LRRC75A: variants seen among roughly 807,000 people sequenced by gnomAD.
The protein encoded by LRRC75A is leucine rich repeat containing 75A, also known as leucine-rich repeat-containing protein 75A.
A neutral mutation model predicts 26.0 loss-of-function variants in LRRC75A; 12 were observed. That is an observed-to-expected ratio of 0.46 (90% confidence interval 0.30 to 0.75). The LOEUF (loss-of-function observed/expected upper bound fraction) is 0.75, where lower values mean the gene tolerates loss of function less well. LRRC75A is among the 30% of genes least tolerant of loss of function. The pLI is 0.08. For missense variants in LRRC75A, 410 were observed against 486.6 expected, an observed-to-expected ratio of 0.84 and a Z score of 1.48; for synonymous variants, 223 against 219.3, an observed-to-expected ratio of 1.02 and a Z score of -0.15.
At chr17:16,473,473 G>A (rs192553626) in intron 1 of LRRC75A, among the ~76,000 whole-genome samples, 19 of 152,258 alleles carry the variant, frequency 1.2e-4, no homozygotes, top group Middle Eastern at 3.4e-3. Context: ...GTTGCCTCTC[G>A]AGGGCACCCT....
At chr17:16,479,906 AC>A (rs1260108204) in intron 1 of LRRC75A, among the ~76,000 whole-genome samples, 1 of 152,232 alleles carries the variant, frequency 6.6e-6, no homozygotes, top group Non-Finnish European at 1.5e-5. Flanking sequence ...ACAGACCAGT[AC>A]CAGTCTGTGA....
At chr17:16,448,963 C>T (rs1601083645) in intron 2 of LRRC75A, among the ~76,000 whole-genome samples, 2 of 152,350 alleles carry the variant, frequency 1.3e-5, no homozygotes, top group East Asian at 3.9e-4. Flanking sequence ...ACTCCAACTA[C>T]ATCCCTAGGA....
At chr17:16,482,846 C>A (rs1052872268) in intron 1 of LRRC75A, among the ~76,000 whole-genome samples, 6 of 152,238 alleles carry the variant, frequency 3.9e-5, no homozygotes, top group African/African-American at 1.4e-4. Flanking sequence ...TGCCCAGGGA[C>A]GTATGCTGAG....
intron 1 of LRRC75A, among the ~76,000 whole-genome samples, chr17:16,489,506 A>T (rs8078090): frequency 0.075 from 11,354 of 152,156 alleles, 1,412 homozygotes; most frequent in African/African-American, 0.26. Context: ...CATCACCACC[A>T]CCAGACTAGA....
At chr17:16,485,069 C>G (rs60635403) in intron 1 of LRRC75A, among the ~76,000 whole-genome samples, 48,974 of 151,810 alleles carry the variant, frequency 0.32, 8,140 homozygotes, top group Middle Eastern at 0.45. Context: ...GAGGGGGTCC[C>G]CGCCCCTGCT....
Position 16,462,776 on chromosome 17 carries a change from A to G in LRRC75A, c.247-390T>C, listed in dbSNP as rs140017039. ...TGCCTTGTGACAGGATGGTTTAATG[A>G]TATTTATTTGTGTTTTCTTCCTGCT... On this transcript the variant is annotated intron_variant, in intron 1 of 3. Coordinates refer to ENST00000470794, the MANE Select transcript of LRRC75A (RefSeq NM_001113567.3). This position sits in a 1 kb window ranked among gnomAD's most constrained non-coding sequence, Gnocchi z 4.6. The G allele has an allele frequency of 2.0e-3, 396 of 194,380 alleles. 4 individuals are homozygous for G. Among genetic ancestry groups the G allele is most frequent in the African/African-American group, 8.7e-3 (368 of 42,512 alleles). The allele number at this position is 194,380 out of a possible 1,614,324, so 12.0% of individuals were successfully genotyped here.
At chr17:16,477,507 C>T (rs985113332) in intron 1 of LRRC75A, among the ~76,000 whole-genome samples, 1 of 152,194 alleles carries the variant, frequency 6.6e-6, no homozygotes, top group Non-Finnish European at 1.5e-5. Flanking sequence ...GGAGGAGGGC[C>T]GTAGGATCCA....
intron 2 of LRRC75A, among the ~76,000 whole-genome samples, chr17:16,459,688 T>C (rs2093712727): frequency 6.6e-6 from 1 of 152,086 alleles, no homozygotes; most frequent in South Asian, 2.1e-4. Flanking sequence ...CTGCCTATAA[T>C]CTCTAGACCC....
chr17:16,456,215 AGAG>A lies in LRRC75A; in HGVS notation c.375+6040_375+6042del, dbSNP rs202131586. ...GGAAGGAGGAGGAAGAGGAGGAGGA[AGAG>A]GAGGAAGAAGAGGAGAAAGGAGGAG... On this transcript the variant is annotated intron_variant, in intron 2 of 3. Transcript: ENST00000470794. Among the ~76,000 whole-genome samples the A allele has an allele frequency of 3.7e-3, 327 of 88,666 alleles. 21 individuals carry two copies. Among genetic ancestry groups the A allele is most frequent in the African/African-American group, 0.013 (260 of 19,624 alleles). The allele number at this position is 88,666 out of a possible 152,430, so 58.2% of individuals were successfully genotyped here. A position where few individuals can be genotyped will look rare whatever the true frequency, so the allele number is the denominator to read the frequency against.
chr17:16,441,625 G>A lies in LRRC75A; in HGVS notation c.*1963C>T. 1 of 346,858 alleles carries A rather than the reference G, an allele frequency of 2.9e-6. No homozygotes were observed. The highest frequency in any genetic ancestry group is 5.6e-6 in the Non-Finnish European group (1 of 177,218). The allele number at this position is 346,858 out of a possible 1,614,324, so 21.5% of individuals were successfully genotyped here. On this transcript the variant is annotated 3_prime_UTR_variant, in exon 4 of 4. Coordinates refer to ENST00000470794, the MANE Select transcript of LRRC75A (RefSeq NM_001113567.3). ...GTCTTGCTGTATTGCCCAGGCTGGA[G>A]TGTGGTGGCACAATCACAGCTCATT...
intron 1 of LRRC75A, among the ~76,000 whole-genome samples, chr17:16,489,639 C>T (rs1396721206): frequency 1.3e-5 from 2 of 152,258 alleles, no homozygotes; most frequent in African/African-American, 4.8e-5. Flanking sequence ...ACCTCTCTGT[C>T]ATAGGCAAGT....
At chr17:16,453,367 AAC>A (rs1014714706) in intron 2 of LRRC75A, among the ~76,000 whole-genome samples, 8 of 151,636 alleles carry the variant, frequency 5.3e-5, no homozygotes, top group African/African-American at 1.7e-4. Flanking sequence ...CACACACGAG[AAC>A]AGAGGACAAG....
chr17:16,444,427 A>T (rs1309555349), intron 3 of LRRC75A, among the ~76,000 whole-genome samples: 1 of 152,234 alleles, frequency 6.6e-6, no homozygotes, highest in Non-Finnish European at 1.5e-5. Context: ...GAAGAAGTTC[A>T]TAAGTGCAAA....
chr17:16,450,097 T>C (rs2093619020), intron 2 of LRRC75A, among the ~76,000 whole-genome samples: 1 of 152,156 alleles, frequency 6.6e-6, no homozygotes, highest in Middle Eastern at 3.2e-3. Context: ...GGTCCCTCCA[T>C]GGTTCAAGCC....
chr17:16,477,861 C>A (rs1401048218), intron 1 of LRRC75A, among the ~76,000 whole-genome samples: 1 of 151,996 alleles, frequency 6.6e-6, no homozygotes, highest in East Asian at 1.9e-4. Context: ...CTGGGAGGGG[C>A]CTATACCTGG....
At chr17:16,481,822 T>C (rs1235000722) in intron 1 of LRRC75A, among the ~76,000 whole-genome samples, 3 of 152,040 alleles carry the variant, frequency 2.0e-5, no homozygotes, top group Admixed American at 6.5e-5. Context: ...ACAGAGGTTT[T>C]GTTTCCAGCT....
At chr17:16,471,549 C>A (rs182718415) in intron 1 of LRRC75A, among the ~76,000 whole-genome samples, 1 of 152,212 alleles carries the variant, frequency 6.6e-6, no homozygotes, top group African/African-American at 2.4e-5. Flanking sequence ...TGTGGGCAAC[C>A]AAGGACGTTA....
chr17:16,449,413 G>A (rs939384662), intron 2 of LRRC75A, among the ~76,000 whole-genome samples: 6 of 152,178 alleles, frequency 3.9e-5, no homozygotes, highest in Non-Finnish European at 7.3e-5. Flanking sequence ...AAGGATTACA[G>A]TACAGACCTC....
intron 3 of LRRC75A, among the ~76,000 whole-genome samples, 165 bp from the exon 4 acceptor site, chr17:16,444,296 C>T (rs1252294310): frequency 6.6e-6 from 1 of 152,234 alleles, no homozygotes; most frequent in Non-Finnish European, 1.5e-5. Flanking sequence ...CCAGGGACCT[C>T]AGTCCCCTGA....
Sources: gnomAD v4.1 joint callset for allele counts (sites outside exome capture counted in the v4.1 genomes callset) on GRCh38, gnomAD v4.1.1 for gene constraint, Gnocchi (gnomAD v3.1) non-coding constraint, MANE v1.5 for transcripts, NCBI Gene and HGNC (gene_info 2026-07-23, HGNC 2026-07-21) for gene names.